Variants in SUSD4 observed in about 807,000 individuals in gnomAD.
SUSD4 encodes the protein sushi domain-containing protein 4.
Under a neutral mutation model 50.5 loss-of-function variants are expected in SUSD4, and 41 were observed. That is an observed-to-expected ratio of 0.81 (90% confidence interval 0.63 to 1.05). The LOEUF (loss-of-function observed/expected upper bound fraction) is 1.05. SUSD4 is among the 50% of genes least tolerant of loss of function. The probability of loss-of-function intolerance (pLI) is 0.00; values close to 1 mark genes in which losing one functional copy is unlikely to be tolerated. For missense variants in SUSD4, 580 were observed against 634.7 expected, an observed-to-expected ratio of 0.91 and a Z score of 0.93; for synonymous variants, 257 against 257.3, an observed-to-expected ratio of 1.00 and a Z score of 0.01.
At chr1:223,334,694 A>T (rs7541162) in intron 2 of SUSD4, among the ~76,000 whole-genome samples, 50,911 of 151,968 alleles carry the variant, frequency 0.34, 8,620 homozygotes, top group African/African-American at 0.4. Flanking sequence ...GAAATTTTTT[A>T]AAATTTTTTA....
Position 223,223,522 on chromosome 1 carries a change from C to T in SUSD4, c.1171G>A (p.Gly391Ser). 7 of 1,612,590 alleles carry T rather than the reference C, an allele frequency of 4.3e-6. No homozygotes were observed. The highest frequency in any genetic ancestry group is 1.7e-4 in the Middle Eastern group (1 of 6,060). Residue 391 changes from glycine (G) to serine (S), a missense_variant, in exon 8 of 9, where the codon GGC becomes AGC. Transcript: ENST00000366878. Reference sequence around the variant, plus strand: ...CCCACAGAGGCCATGTACCCGGGGCCTAAGGCACTCAAGCCGCCACTCACA... The same window carrying T: ...CCCACAGAGGCCATGTACCCGGGGCTTAAGGCACTCAAGCCGCCACTCACA... ...EAVSGGLSAL[G>S]PGYMASVGQG...
intron 2 of SUSD4, among the ~76,000 whole-genome samples, chr1:223,339,591 A>G (rs1310203939): frequency 1.3e-5 from 2 of 152,224 alleles, no homozygotes; most frequent in African/African-American, 4.8e-5. Context: ...GAGTCACTGC[A>G]GCAGGGTTAG....
At chr1:223,349,111 A>C (rs1029050516) in intron 2 of SUSD4, among the ~76,000 whole-genome samples, 4 of 152,234 alleles carry the variant, frequency 2.6e-5, no homozygotes, top group African/African-American at 9.6e-5. Flanking sequence ...TGGGCCTGTT[A>C]GAATGGCACC....
At chr1:223,301,287 C>CA (rs1003500488) in intron 2 of SUSD4, among the ~76,000 whole-genome samples, 1 of 152,226 alleles carries the variant, frequency 6.6e-6, no homozygotes, top group Non-Finnish European at 1.5e-5. Context: ...CACACAGTCT[C>CA]AGTGTGATGG....
At position 223,338,822 on chromosome 1, in the gene SUSD4, A is replaced by AG. The variant is rs1458225433; in HGVS notation, c.148+24455_148+24456insC. ...AGAGGCAATCTGAGGGAAGAATATAACTGTTTTAGACAAGCTGAGATATGT... is the reference window on the plus strand; with the variant it reads ...AGAGGCAATCTGAGGGAAGAATATAAGCTGTTTTAGACAAGCTGAGATATGT... On this transcript the variant is annotated intron_variant, in intron 2 of 8. Coordinates refer to ENST00000366878, the MANE Select transcript of SUSD4 (RefSeq NM_017982.4). 2.6e-5 allele frequency among the ~76,000 whole-genome samples: 4 copies of AG among 152,186 alleles called. No homozygotes were observed. The East Asian group carries it at 7.7e-4, about 29-fold the overall frequency.
rs557648724 is a variant in SUSD4, at chr1:223,220,846, T to C, written c.*1346A>G. 9.1e-5 allele frequency: 36 copies of C among 393,840 alleles called. No individual in the cohort carries two copies. The highest frequency in any genetic ancestry group is 4.6e-4 in the Middle Eastern group (1 of 2,164). The allele number at this position is 393,840 out of a possible 1,614,324, so 24.4% of individuals were successfully genotyped here. A position where few individuals can be genotyped will look rare whatever the true frequency, so the allele number is the denominator to read the frequency against. ...CAAACTGTCATTTTCTTTTAATTTT[T>C]AATCAGTCTGTGTCAAGAAGAAACA... is the stretch of plus-strand genomic sequence containing the variant. On this transcript the variant is annotated 3_prime_UTR_variant, in exon 9 of 9. Transcript: ENST00000366878.
chr1:223,327,089 A>G (rs1666917621), intron 2 of SUSD4, among the ~76,000 whole-genome samples: 1 of 152,170 alleles, frequency 6.6e-6, no homozygotes, highest in Non-Finnish European at 1.5e-5. Context: ...TATGGAACCA[A>G]CCCAAGTGTC....
intron 2 of SUSD4, among the ~76,000 whole-genome samples, chr1:223,295,503 G>C (rs1032295647): frequency 6.6e-6 from 1 of 152,136 alleles, no homozygotes; most frequent in Non-Finnish European, 1.5e-5. Flanking sequence ...CATAATAGAG[G>C]ATGGGAACCT....
At chr1:223,286,396 C>T (rs1396002472) in intron 3 of SUSD4, among the ~76,000 whole-genome samples, 6 of 151,792 alleles carry the variant, frequency 4.0e-5, no homozygotes, top group South Asian at 2.1e-4. Context: ...ATTATAGGCG[C>T]GAGCCACCGC....
intron 5 of SUSD4, among the ~76,000 whole-genome samples, chr1:223,239,982 T>A (rs1054311199): frequency 2.6e-5 from 4 of 152,176 alleles, no homozygotes; most frequent in African/African-American, 9.6e-5. Context: ...CAACAAACTT[T>A]CCACATTTTT....
At chr1:223,318,722 T>C (rs1417931151) in intron 2 of SUSD4, among the ~76,000 whole-genome samples, 5 of 151,780 alleles carry the variant, frequency 3.3e-5, no homozygotes, top group African/African-American at 7.3e-5. Context: ...AAAATGGCCA[T>C]ACTGCCCAAG....
chr1:223,287,166 C>G (rs567891349), intron 3 of SUSD4, among the ~76,000 whole-genome samples: 13 of 152,344 alleles, frequency 8.5e-5, no homozygotes, highest in African/African-American at 2.9e-4. Context: ...ACCTCTGCCT[C>G]CTGGGTTCAA....
intron 2 of SUSD4, among the ~76,000 whole-genome samples, chr1:223,313,664 G>C (rs1666009886): frequency 6.6e-6 from 1 of 152,098 alleles, no homozygotes; most frequent in Non-Finnish European, 1.5e-5. Context: ...CACCAGATAA[G>C]ATAGGAGGTC....
At position 223,231,079 on chromosome 1, in the gene SUSD4, C is replaced by T. The variant is rs1475586513; in HGVS notation, c.725-1691G>A. ...CTGGGCTGGTGGGATGAAGGGGTCT[C>T]GTTGCTGGGGTCCCTAGTGGAAGGT... On this transcript the variant is annotated intron_variant, in intron 5 of 8. Transcript: ENST00000366878. The surrounding 1 kb of genome is among the most constrained non-coding windows in gnomAD (Gnocchi z 4.2). Among the ~76,000 whole-genome samples the T allele has an allele frequency of 1.3e-5, 2 of 151,954 alleles. No individual in the cohort carries two copies. The highest frequency in any genetic ancestry group is 1.9e-4 in the East Asian group (1 of 5,158).
chr1:223,288,985 C>T (rs1253126452), intron 3 of SUSD4: 1 of 593,146 alleles, frequency 1.7e-6, no homozygotes, highest in Non-Finnish European at 2.1e-6. Context: ...TGCTTCACCT[C>T]TGTCTTTTCT....
At chr1:223,318,104 G>T (rs377476402) in intron 2 of SUSD4, among the ~76,000 whole-genome samples, 1 of 49,844 alleles carries the variant, frequency 2.0e-5, no homozygotes, top group Admixed American at 2.5e-4. Context: ...GAGAATATGC[G>T]GTGTTTGGTT....
chr1:223,354,320 C>T (rs1049651437), intron 2 of SUSD4, among the ~76,000 whole-genome samples: 1 of 148,480 alleles, frequency 6.7e-6, no homozygotes, highest in African/African-American at 2.5e-5. Context: ...TGCTGATGGT[C>T]AGCATAACTC....
At chr1:223,232,826 C>G (rs944845217) in intron 5 of SUSD4, among the ~76,000 whole-genome samples, 11 of 152,324 alleles carry the variant, frequency 7.2e-5, no homozygotes, top group Admixed American at 2.0e-4. Flanking sequence ...TGTTAGGCAG[C>G]TTGTTTGACT....
chr1:223,362,955 G>GC (rs1669079046), intron 2 of SUSD4, among the ~76,000 whole-genome samples: 3 of 52,138 alleles, frequency 5.8e-5, no homozygotes, highest in Admixed American at 3.6e-4. Context: ...TCCCCCCCCC[G>GC]CCCCCGCTTC....
Sources: gnomAD v4.1 joint callset for allele counts (sites outside exome capture counted in the v4.1 genomes callset) on GRCh38, gnomAD v4.1.1 for gene constraint, Gnocchi (gnomAD v3.1) non-coding constraint, MANE v1.5 for transcripts, NCBI Gene and HGNC (gene_info 2026-07-23, HGNC 2026-07-21) for gene names.